Variants in SOCS5 observed in about 807,000 individuals in gnomAD.
SOCS5 encodes the protein CIS-6.
Under a neutral mutation model 42.8 loss-of-function variants are expected in SOCS5, and 32 were observed. The ratio of observed to expected loss-of-function variants is 0.75; its 90% CI spans 0.56 to 1.01. The LOEUF is 1.01. SOCS5 is among the 50% of genes least tolerant of loss of function. The pLI is 0.00. For synonymous variants in SOCS5, 283 were observed against 229.6 expected, an observed-to-expected ratio of 1.23 and a Z score of -2.10; for missense variants, 627 against 653.0, an observed-to-expected ratio of 0.96 and a Z score of 0.43.
chr2:46,725,943 G>T, intron 1 of SOCS5, among the ~76,000 whole-genome samples: 1 of 151,212 alleles, frequency 6.6e-6, no homozygotes. Flanking sequence ...ATTGTTTCTG[G>T]TTAGAAATTT....
intron 1 of SOCS5, among the ~76,000 whole-genome samples, chr2:46,726,637 A>G (rs1335270182): frequency 2.0e-5 from 3 of 151,972 alleles, no homozygotes; most frequent in African/African-American, 7.3e-5. Context: ...GATCATTTCT[A>G]CCAGTCTATC....
At chr2:46,750,621 T>G (rs974356000) in intron 1 of SOCS5, among the ~76,000 whole-genome samples, 7 of 152,186 alleles carry the variant, frequency 4.6e-5, no homozygotes, top group Non-Finnish European at 8.8e-5. Flanking sequence ...TAGAACTTAC[T>G]AATATAGAAC....
intron 1 of SOCS5, among the ~76,000 whole-genome samples, chr2:46,755,805 C>G (rs1673720274): frequency 6.6e-6 from 1 of 152,130 alleles, no homozygotes; most frequent in Non-Finnish European, 1.5e-5. Flanking sequence ...AAAAGAACTT[C>G]GAATCTGACA....
intron 1 of SOCS5, among the ~76,000 whole-genome samples, chr2:46,756,915 G>A (rs1333056253): frequency 2.0e-5 from 3 of 152,180 alleles, no homozygotes; most frequent in African/African-American, 7.2e-5. Context: ...ATTTTTGCAA[G>A]ACAGAGGAGG....
intron 1 of SOCS5, among the ~76,000 whole-genome samples, chr2:46,750,726 T>C (rs1673604395): frequency 6.6e-6 from 1 of 152,208 alleles, no homozygotes; most frequent in African/African-American, 2.4e-5. Flanking sequence ...AAAGTACAGA[T>C]ACCGAAACAT....
At position 46,752,711 on chromosome 2, in the gene SOCS5, T is replaced by G. The variant is rs527286190; in HGVS notation, c.-12-5808T>G. Among the ~76,000 whole-genome samples the G allele has an allele frequency of 2.0e-5, 3 of 152,318 alleles. No homozygotes were observed. In the South Asian group the frequency reaches 6.2e-4, roughly 32 times the overall value. On this transcript the variant is annotated intron_variant, in intron 1 of 1. Transcript: ENST00000394861. ...TATGAATGTATACTAATGGACTAAT[T>G]ATCATTTACTTACATATCTCCATGA...
At chr2:46,740,001 T>C (rs959370607) in intron 1 of SOCS5, among the ~76,000 whole-genome samples, 2 of 152,248 alleles carry the variant, frequency 1.3e-5, no homozygotes, top group African/African-American at 4.8e-5. Flanking sequence ...GAAGCCTTTA[T>C]CTGTAGAATA....
intron 1 of SOCS5, among the ~76,000 whole-genome samples, chr2:46,705,185 C>T (rs1191899106): frequency 6.6e-6 from 1 of 152,208 alleles, no homozygotes. Flanking sequence ...GTGAGCTGCT[C>T]TAGCAAATTA....
intron 1 of SOCS5, among the ~76,000 whole-genome samples, chr2:46,724,222 G>A (rs1332056475): frequency 6.7e-6 from 1 of 150,028 alleles, no homozygotes; most frequent in African/African-American, 2.4e-5. Context: ...TTTCTAATTT[G>A]TCTGCTTTTT....
chr2:46,746,294 G>A (rs1052597511), intron 1 of SOCS5, among the ~76,000 whole-genome samples: 1 of 152,108 alleles, frequency 6.6e-6, no homozygotes, highest in African/African-American at 2.4e-5. Flanking sequence ...TACAAAGGCA[G>A]TGGTAACTCT....
intron 1 of SOCS5, among the ~76,000 whole-genome samples, chr2:46,749,067 T>C (rs1444134621): frequency 6.6e-6 from 1 of 152,206 alleles, no homozygotes; most frequent in Non-Finnish European, 1.5e-5. Context: ...TGATGCCCTG[T>C]GCTCTAGTAA....
intron 1 of SOCS5, among the ~76,000 whole-genome samples, chr2:46,742,584 G>A (rs984891696): frequency 2.6e-5 from 4 of 151,876 alleles, no homozygotes; most frequent in Admixed American, 2.0e-4. Flanking sequence ...TTTGATCATT[G>A]CCTTTTGGTT....
At chr2:46,722,310 G>A (rs190109105) in intron 1 of SOCS5, among the ~76,000 whole-genome samples, 1 of 129,342 alleles carries the variant, frequency 7.7e-6, no homozygotes, top group African/African-American at 3.2e-5. Flanking sequence ...AAGACATTTT[G>A]TATACATTTG....
chr2:46,747,046 A>G (rs1463632530), intron 1 of SOCS5, among the ~76,000 whole-genome samples: 2 of 151,124 alleles, frequency 1.3e-5, no homozygotes, highest in South Asian at 4.2e-4. Context: ...TGCCTAGAAC[A>G]GTTTGCATGG....
At chr2:46,736,390 C>G (rs1673246710) in intron 1 of SOCS5, among the ~76,000 whole-genome samples, 1 of 152,140 alleles carries the variant, frequency 6.6e-6, no homozygotes, top group Admixed American at 6.6e-5. Context: ...TAAGCACATT[C>G]ACATTCTTGT....
At chr2:46,732,057 A>C (rs900694423) in intron 1 of SOCS5, among the ~76,000 whole-genome samples, 5 of 152,140 alleles carry the variant, frequency 3.3e-5, no homozygotes, top group Admixed American at 1.3e-4. Context: ...GAGATGTTTG[A>C]GGTATATGTG....
At chr2:46,706,871 G>A (rs1469543739) in intron 1 of SOCS5, among the ~76,000 whole-genome samples, 1 of 152,178 alleles carries the variant, frequency 6.6e-6, no homozygotes, top group Non-Finnish European at 1.5e-5. Flanking sequence ...GAACTTCTTT[G>A]AACTTCAGTT....
rs3738890 is a variant in SOCS5, at chr2:46,699,580, G to A, written c.-13+131G>A. 2.0e-5 allele frequency: 3 copies of A among 151,678 alleles called. No individual in the cohort carries two copies. Among genetic ancestry groups the A allele is most frequent in the Admixed American group, 1.3e-4 (2 of 15,226 alleles). The allele number at this position is 151,678 out of a possible 1,614,324, so 9.4% of individuals were successfully genotyped here. On this transcript the variant is annotated intron_variant, in intron 1 of 1. Transcript: ENST00000394861. The surrounding 1 kb of genome is among the most constrained non-coding windows in gnomAD (Gnocchi z 4.8). ...CGCCCCCGGCTGTCGCCCCCGCACCGCGGCGGAGGCAGCGCCGGCCTCTGG... is the reference window on the plus strand; with the variant it reads ...CGCCCCCGGCTGTCGCCCCCGCACCACGGCGGAGGCAGCGCCGGCCTCTGG...
intron 1 of SOCS5, among the ~76,000 whole-genome samples, chr2:46,715,227 C>A (rs1198658459): frequency 7.2e-5 from 11 of 151,792 alleles, no homozygotes; most frequent in Non-Finnish European, 1.5e-4. Flanking sequence ...AAAAATTAGC[C>A]AGACATGGTG....
Sources: allele counts gnomAD v4.1 joint callset (sites outside exome capture counted in the v4.1 genomes callset), GRCh38; gene constraint gnomAD v4.1.1; non-coding constraint Gnocchi (gnomAD v3.1); transcripts MANE v1.5; gene names NCBI Gene and HGNC (gene_info 2026-07-23, HGNC 2026-07-21).